Variants in USP50 observed in about 807,000 individuals in gnomAD.
USP50 encodes the protein ubiquitin specific peptidase 50, also known as ubiquitin carboxyl-terminal hydrolase 50.
In USP50, 37 loss-of-function variants were observed where a neutral mutation model predicts 39.2. The observed-to-expected ratio is 0.94, with a 90% CI of 0.73 to 1.24. The LOEUF is 1.24. Ranked by LOEUF, USP50 falls within the 50% of genes most tolerant of loss-of-function variation. USP50 has a pLI of 0.00. For synonymous variants in USP50, 139 were observed against 144.5 expected (o/e 0.96, Z 0.27); for missense variants, 374 against 398.2 (o/e 0.94, Z 0.52).
chr15:50,536,460 A>T (rs577918896), intron 5 of USP50, among the ~76,000 whole-genome samples: 1 of 152,100 alleles, frequency 6.6e-6, no homozygotes, highest in African/African-American at 2.4e-5. Flanking sequence ...GGCCAACATG[A>T]CGAAACCCTG....
At position 50,543,634 on chromosome 15, in the gene USP50, A is replaced by C. The variant is rs1414025116; in HGVS notation, c.408T>G (p.Ile136Met). 6.2e-7 allele frequency: 1 copy of C among 1,613,600 alleles called. No individual in the cohort carries two copies. Among genetic ancestry groups the C allele is most frequent in the Non-Finnish European group, 8.5e-7 (1 of 1,179,788 alleles). Residue 136 changes from isoleucine (I) to methionine (M), a missense_variant, in exon 3 of 7, where the codon ATT becomes ATG. Ile to Met is a conservative substitution (Grantham distance 10). Transcript: ENST00000532404. ...KMQQDAQEFL[I>M]CVLNELHEAL... Reference sequence around the variant, plus strand: ...CTTCATGAAGTTCATTTAGGACACAAATCAAGAATTCCTGAGCATCTTGTT... The same window carrying C: ...CTTCATGAAGTTCATTTAGGACACACATCAAGAATTCCTGAGCATCTTGTT...
chr15:50,498,242 T>A (rs575751347), downstream of USP50: 1 of 171,832 alleles, frequency 5.8e-6, no homozygotes, highest in African/African-American at 2.4e-5. Context: ...CAAGCTTGAC[T>A]CGAGAGCAGC....
At chr15:50,493,039 C>G (rs761941984), downstream of USP50, 12 of 1,020,604 alleles carry the variant, frequency 1.2e-5, no homozygotes, top group Non-Finnish European at 1.8e-5. Flanking sequence ...TTGTAAAGAA[C>G]AAAAATTTAT....
Position 50,538,712 on chromosome 15 carries a change from T to C in USP50, c.800A>G (p.Lys267Arg). Residue 267 changes from lysine (K) to arginine (R), a missense_variant, in exon 5 of 7, where the codon AAA becomes AGA. Lys to Arg is a conservative substitution (Grantham distance 26). Coordinates refer to ENST00000532404, the MANE Select transcript of USP50 (RefSeq NM_203494.5). ...KAPKIIIFHL[K>R]RFDIQGTTKR... ...ACAAAAATGTAAAAATCCATACCTT[T>C]TTAGGTGGAAAATAATTATTTTTGG... 1.3e-6 allele frequency: 2 copies of C among 1,578,284 alleles called. No homozygotes were observed. The highest frequency in any genetic ancestry group is 1.7e-6 in the Non-Finnish European group (2 of 1,161,880).
Position 50,543,777 on chromosome 15 carries a change from C to T in USP50, c.265G>A (p.Ala89Thr). ...GTCATCAGATAGGCAAAAGCAGTGG[C>T]AACTTCACTGCAATCGCTTGGAAGA... ...TALQNDCSEV[A>T]TAFAYLMTDM... is the part of the protein sequence containing the mutation. Residue 89 changes from alanine (A) to threonine (T), a missense_variant, in exon 3 of 7, where the codon GCC (alanine) becomes ACC (threonine). Transcript: ENST00000532404. 1.2e-6 allele frequency: 2 copies of T among 1,608,378 alleles called. No individual in the cohort carries two copies. Among genetic ancestry groups the T allele is most frequent in the Non-Finnish European group, 8.5e-7 (1 of 1,177,048 alleles).
At chr15:50,495,709 C>T (rs573172567), downstream of USP50, 15 of 644,580 alleles carry the variant, frequency 2.3e-5, no homozygotes, top group South Asian at 2.8e-4. Flanking sequence ...TTTTTTGCCA[C>T]ACTCAGTGAG....
At chr15:50,493,153 A>T, downstream of USP50, 2 of 595,290 alleles carry the variant, frequency 3.4e-6, no homozygotes, top group Admixed American at 4.3e-5. Context: ...GAAAGAGGAC[A>T]GACTCGTCCT....
chr15:50,493,196 C>T (rs1362406834), downstream of USP50: 2 of 521,764 alleles, frequency 3.8e-6, no homozygotes, highest in Non-Finnish European at 3.7e-6. Context: ...ATCCTGTTCA[C>T]CCGGGAGGGG....
downstream of USP50, chr15:50,499,115 C>T (rs1193937272): frequency 1.3e-6 from 2 of 1,550,260 alleles, no homozygotes; most frequent in East Asian, 2.3e-5. Flanking sequence ...AACTAGTTAT[C>T]TTTTAAAAGG....
chr15:50,537,728 C>T (rs530145855), intron 5 of USP50, among the ~76,000 whole-genome samples: 2 of 150,776 alleles, frequency 1.3e-5, no homozygotes, highest in Admixed American at 6.6e-5. Flanking sequence ...GGCGTGGTGG[C>T]GGGTGCCTGT....
chr15:50,498,944 T>C, downstream of USP50: 1 of 1,613,958 alleles, frequency 6.2e-7, no homozygotes, highest in Non-Finnish European at 8.5e-7. Context: ...ACACAGCCTA[T>C]TGTAAAAATG....
At chr15:50,543,194 T>TA (rs2053043705) in intron 3 of USP50, among the ~76,000 whole-genome samples, 1 of 152,246 alleles carries the variant, frequency 6.6e-6, no homozygotes, top group Non-Finnish European at 1.5e-5. Context: ...ATTTAAGCTA[T>TA]AAAGTTCTAT....
In USP50 at chr15:50,524,648, T is replaced by A. The variant is rs77789246; in HGVS notation, c.936+5149A>T. 1.8e-3 allele frequency among the ~76,000 whole-genome samples: 270 copies of A among 152,322 alleles called. 2 individuals carry two copies. Among genetic ancestry groups the A allele is most frequent in the African/African-American group, 6.3e-3 (261 of 41,586 alleles). On this transcript the variant is annotated intron_variant, in intron 6 of 6. Coordinates refer to ENST00000532404, the MANE Select transcript of USP50 (RefSeq NM_203494.5). ...TGGCAAAGATGTGGACATAAAGGAA[T>A]CCTGTACTTTGTTGGTGGGAATGTA...
chr15:50,530,975 T>C (rs1243383558), intron 5 of USP50, among the ~76,000 whole-genome samples: 1 of 152,298 alleles, frequency 6.6e-6, no homozygotes, highest in South Asian at 2.1e-4. Flanking sequence ...TAAGAACATT[T>C]TGTGAAAATC....
At chr15:50,538,638 A>G in intron 5 of USP50, 71 bp downstream of exon 5, 1 of 1,427,564 alleles carries the variant, frequency 7.0e-7, no homozygotes, top group Non-Finnish European at 9.3e-7. Context: ...TGGGTGAATT[A>G]TTGGCATGTG....
At chr15:50,529,196 G>A (rs532062990) in intron 6 of USP50, among the ~76,000 whole-genome samples, 51 of 152,034 alleles carry the variant, frequency 3.4e-4, no homozygotes, top group Non-Finnish European at 7.4e-4. Context: ...GTCACAAAGT[G>A]GTTCACGGTT....
chr15:50,499,136 C>CAACT, downstream of USP50: 3 of 1,511,740 alleles, frequency 2.0e-6, no homozygotes, highest in Non-Finnish European at 2.7e-6. Context: ...CTCAGCAACA[C>CAACT]AACTCTTGAA....
At position 50,541,157 on chromosome 15, in the gene USP50, C is replaced by A. The variant is rs765957384; in HGVS notation, c.552G>T (p.Gln184His). ...TTAAACATACGATGCTATAATTGAG[C>A]TGCTCTTCAAACAGCTGGGTGATGA... is the stretch of plus-strand genomic sequence containing the variant. ...TSIITQLFEE[Q>H]LNYSIVCLKC... Residue 184 changes from glutamine (Q) to histidine (H), a missense_variant, in exon 4 of 7, where the codon CAG (glutamine) becomes CAT (histidine). Transcript: ENST00000532404. 1 of 1,613,948 alleles carries A rather than the reference C, an allele frequency of 6.2e-7. No individual in the cohort carries two copies. The highest frequency in any genetic ancestry group is 1.1e-5 in the South Asian group (1 of 91,082).
Position 50,543,595 on chromosome 15 carries a change from T to C in USP50, c.444+3A>G, listed in dbSNP as rs1289772641. The C allele has an allele frequency of 1.2e-6, 2 of 1,611,398 alleles. No individual in the cohort carries two copies. Among genetic ancestry groups the C allele is most frequent in the Admixed American group, 3.4e-5 (2 of 59,668 alleles). On this transcript the variant is annotated splice_donor_region_variant and intron_variant, in intron 3 of 6. Transcript: ENST00000532404. ...CTATTTCAAGGTCATTAACTCTACT[T>C]ACCTTTTTTAGAGCTTCATGAAGTT...
Sources: allele counts gnomAD v4.1 joint callset (sites outside exome capture counted in the v4.1 genomes callset), GRCh38; gene constraint gnomAD v4.1.1; transcripts MANE v1.5; gene names NCBI Gene and HGNC (gene_info 2026-07-23, HGNC 2026-07-21).